Variants in AMPD2 observed in about 807,000 individuals in gnomAD.
AMPD2 encodes the protein AMP deaminase 2.
A neutral mutation model predicts 91.3 loss-of-function variants in AMPD2; 52 were observed. The ratio of observed to expected loss-of-function variants is 0.57; its 90% CI spans 0.46 to 0.72. The LOEUF (loss-of-function observed/expected upper bound fraction) is 0.72, where lower values mean the gene tolerates loss of function less well. Ranked by LOEUF, AMPD2 falls within the 30% of genes least tolerant of loss-of-function variation. AMPD2 has a pLI of 0.00. For synonymous variants in AMPD2, 455 were observed against 456.4 expected (o/e 1.00, Z 0.04); for missense variants, 822 against 1,122.3 (o/e 0.73, Z 3.82).
Position 109,624,687 on chromosome 1 carries a change from C to T in AMPD2, c.92-616C>T, listed in dbSNP as rs1650502828. Among the ~76,000 whole-genome samples, 1 of 152,182 alleles carries T rather than the reference C, an allele frequency of 6.6e-6. No homozygotes were observed. The highest frequency in any genetic ancestry group is 2.4e-5 in the African/African-American group (1 of 41,454). ...AGGGTTCCCTTGCCAACCAGGCCCTCCACTTCCTCTCCTCTTCCCTTGAGG... is the reference window on the plus strand; with the variant it reads ...AGGGTTCCCTTGCCAACCAGGCCCTTCACTTCCTCTCCTCTTCCCTTGAGG... On this transcript the variant is annotated intron_variant, in intron 2 of 18. Coordinates refer to ENST00000528667, the MANE Select transcript of AMPD2 (RefSeq NM_001368809.2). This position sits in a 1 kb window ranked among gnomAD's most constrained non-coding sequence, Gnocchi z 5.2.
chr1:109,626,960 G>A, intron 7 of AMPD2, 48 bp downstream of exon 7: 1 of 1,580,482 alleles, frequency 6.3e-7, no homozygotes, highest in Non-Finnish European at 8.6e-7. Flanking sequence ...AGCCTCCTGG[G>A]CTTCTCAGCC....
At chr1:109,620,774 A>T (rs1250520840) in intron 1 of AMPD2, 140 bp from the exon 2 acceptor site, 1 of 1,290,556 alleles carries the variant, frequency 7.7e-7, no homozygotes, top group Non-Finnish European at 9.8e-7. Context: ...AGCTGGAAGG[A>T]CCAGCTAGCC....
chr1:109,621,161 G>A lies in AMPD2; in HGVS notation c.-15G>A. On this transcript the variant is annotated 5_prime_UTR_variant, in exon 2 of 19. Coordinates refer to ENST00000528667, the MANE Select transcript of AMPD2 (RefSeq NM_001368809.2). ...CCGCTCAGACTCCCCCGCTGTCGCC[G>A]CCGTGGTCCCAGCCATGGCATCCTA... The A allele has an allele frequency of 1.3e-6, 2 of 1,598,524 alleles. No individual in the cohort carries two copies. The highest frequency in any genetic ancestry group is 2.7e-5 in the African/African-American group (2 of 74,580).
At chr1:109,630,184 C>T in intron 16 of AMPD2, 49 bp from the exon 17 acceptor site, 1 of 1,600,768 alleles carries the variant, frequency 6.2e-7, no homozygotes. Flanking sequence ...TGTGCCCTGC[C>T]CAGCCTCGGG....
chr1:109,631,122 G>A lies in AMPD2; in HGVS notation c.2448G>A (p.Ala816=), dbSNP rs746411446. ...SEMLETIPEE[A]GITMSPGPQ ...TGCTGGAGACCATTCCAGAGGAGGC[G>A]GGTATCACCATGAGCCCAGGGCCTC... is the stretch of plus-strand genomic sequence containing the variant. The change falls in exon 19 of 19, where the codon GCG becomes GCA. Residue 816 remains alanine (A), a synonymous_variant. Coordinates refer to ENST00000528667, the MANE Select transcript of AMPD2 (RefSeq NM_001368809.2). 56 of 1,597,444 alleles carry A rather than the reference G, an allele frequency of 3.5e-5. 1 individual carries two copies. Among genetic ancestry groups the A allele is most frequent in the South Asian group, 1.8e-4 (16 of 88,694 alleles).
rs1650810225 is a variant in AMPD2 at position 109,627,513 on chromosome 1, C to T, written c.945C>T (p.Gly315=). ...TGCTGATGGCCCTGATTATCAATGG[C>T]CCCATGTGAGTCCCCTGCCATCCCA... ...VNVLMALIIN[G]PIKSFCYRRL... Residue 315 remains glycine, a synonymous_variant, in exon 9 of 19, where the codon GGC becomes GGT. Coordinates refer to ENST00000528667, the MANE Select transcript of AMPD2 (RefSeq NM_001368809.2). 1 of 1,613,894 alleles carries T rather than the reference C, an allele frequency of 6.2e-7. No individual in the cohort carries two copies. The highest frequency in any genetic ancestry group is 8.5e-7 in the Non-Finnish European group (1 of 1,179,946).
At chr1:109,629,520 A>G (rs1651019208) in intron 15 of AMPD2, 30 bp downstream of exon 15, 3 of 1,607,120 alleles carry the variant, frequency 1.9e-6, no homozygotes, top group African/African-American at 1.3e-5. Flanking sequence ...TCTGCTTGCT[A>G]TGCCATCTCT....
In AMPD2 at chr1:109,626,717, C is replaced by T; in HGVS notation, c.532-9C>T. 2 of 1,610,170 alleles carry T rather than the reference C, an allele frequency of 1.2e-6. No individual in the cohort carries two copies. The highest frequency in any genetic ancestry group is 8.5e-7 in the Non-Finnish European group (1 of 1,177,716). Reference sequence around the variant, plus strand: ...ACTGAGGAGAGTGATCGCATATCCTCATCTCCAGGTGCCGTTCACAGACCT... The same window carrying T: ...ACTGAGGAGAGTGATCGCATATCCTTATCTCCAGGTGCCGTTCACAGACCT... On this transcript the variant is annotated splice_polypyrimidine_tract_variant and intron_variant, in intron 6 of 18. Coordinates refer to ENST00000528667, the MANE Select transcript of AMPD2 (RefSeq NM_001368809.2).
In AMPD2 at chr1:109,621,138, G is replaced by C; in HGVS notation, c.-38G>C. 4 of 1,597,582 alleles carry C rather than the reference G, an allele frequency of 2.5e-6. No individual in the cohort carries two copies. In the South Asian group the frequency reaches 4.5e-5, roughly 18 times the overall value. The stretch of plus-strand genomic sequence containing the variant: ...GCAGAGCCAGGCCCCAGCCGGTGCC[G>C]CTCAGACTCCCCCGCTGTCGCCGCC... On this transcript the variant is annotated 5_prime_UTR_variant, in exon 2 of 19. Transcript: ENST00000528667.
In AMPD2 at chr1:109,631,867, A is replaced by G. The variant is rs551366170; in HGVS notation, c.*715A>G. On this transcript the variant is annotated 3_prime_UTR_variant, in exon 19 of 19. Transcript: ENST00000528667. The stretch of plus-strand genomic sequence containing the variant: ...TTATGTCTGGGGCCACAGTTGCTGC[A>G]AAGTCCTGGATCTGCCACTCAACCC... 67 of 154,294 alleles carry G rather than the reference A, an allele frequency of 4.3e-4. No individual in the cohort carries two copies. The highest frequency in any genetic ancestry group is 4.0e-4 in the Non-Finnish European group (28 of 69,326). 9.6% of individuals were successfully genotyped at this position (154,294 alleles called of 1,614,324 possible).
chr1:109,620,355 G>GA, intron 1 of AMPD2, 77 bp downstream of exon 1: 1 of 1,593,356 alleles, frequency 6.3e-7, no homozygotes, highest in Non-Finnish European at 8.6e-7. Context: ...AAGAGGGTGG[G>GA]AGTCACAGCA....
chr1:109,630,330 C>G lies in AMPD2; in HGVS notation c.2081C>G (p.Pro694Arg), dbSNP rs759993904. The G allele has an allele frequency of 1.2e-6, 2 of 1,614,046 alleles. No homozygotes were observed. The highest frequency in any genetic ancestry group is 1.7e-5 in the Admixed American group (1 of 60,028). ...CTCTTCCTCAGCTATCACCGGAATC[C>G]GCTACCGGAGTACCTGTCCCGCGGC... ...NSLFLSYHRNPLPEYLSRGLM... is the reference protein window; with the variant it reads ...NSLFLSYHRNRLPEYLSRGLM... Residue 694 changes from proline (P) to arginine (R), a missense_variant, in exon 17 of 19, where the codon CCG becomes CGG. Pro to Arg is a moderately radical substitution (Grantham distance 103). Around this residue, in one of 5 missense-constraint regions of AMPD2, gnomAD observed 430 missense variants for 606.0 expected, o/e 0.71. Coordinates refer to ENST00000528667, the MANE Select transcript of AMPD2 (RefSeq NM_001368809.2).
chr1:109,627,584 GC>G, intron 9 of AMPD2, 66 bp downstream of exon 9: 2 of 1,587,624 alleles, frequency 1.3e-6, no homozygotes, highest in South Asian at 1.1e-5. Context: ...CCCCAGTTCT[GC>G]CCCAGACTCC....
At chr1:109,622,114 C>A in intron 2 of AMPD2, 1 of 436,506 alleles carries the variant, frequency 2.3e-6, no homozygotes, top group Non-Finnish European at 4.7e-6. Flanking sequence ...ATGCCGACTG[C>A]CCCCACCCTT....
At position 109,630,688 on chromosome 1, in the gene AMPD2, G is replaced by A. The variant is rs768938541; in HGVS notation, c.2163G>A (p.Pro721=). The change falls in exon 18 of 19, where the codon CCG becomes CCA. Residue 721 remains proline, a synonymous_variant. Transcript: ENST00000528667. ...DPLQFHFTKE[P]LMEEYSIATQ... ...AGGGAACCTGGCCCGTGCAGGAGCCGCTGATGGAGGAGTACAGCATCGCCA... is the reference window on the plus strand; with the variant it reads ...AGGGAACCTGGCCCGTGCAGGAGCCACTGATGGAGGAGTACAGCATCGCCA... The A allele has an allele frequency of 3.1e-6, 5 of 1,610,450 alleles. No homozygotes were observed. The highest frequency in any genetic ancestry group is 2.2e-5 in the East Asian group (1 of 44,728).
In AMPD2 at chr1:109,620,257, A is replaced by T. The variant is rs1348126776; in HGVS notation, c.-284A>T. On this transcript the variant is annotated 5_prime_UTR_variant, in exon 1 of 19. Transcript: ENST00000528667. ...CTTCTCGTGGGCAGCCTCCCCTCGG[A>T]ACTCGGGCATCATGGCCTCAGGTGA... is the stretch of plus-strand genomic sequence containing the variant. The T allele has an allele frequency of 3.1e-6, 5 of 1,613,926 alleles. No homozygotes were observed. Among genetic ancestry groups the T allele is most frequent in the Non-Finnish European group, 4.2e-6 (5 of 1,179,968 alleles).
chr1:109,627,696 C>T (rs1448901743), intron 9 of AMPD2, 78 bp from the exon 10 acceptor site: 3 of 1,585,560 alleles, frequency 1.9e-6, no homozygotes, highest in African/African-American at 2.7e-5. Flanking sequence ...CACCTGCTCC[C>T]TCTGATCTGC....
chr1:109,631,156 T>A lies in AMPD2; in HGVS notation c.*4T>A. 6.4e-7 allele frequency: 1 copy of A among 1,571,754 alleles called. No individual in the cohort carries two copies. Among genetic ancestry groups the A allele is most frequent in the South Asian group, 1.2e-5 (1 of 86,092 alleles). On this transcript the variant is annotated 3_prime_UTR_variant, in exon 19 of 19. Coordinates refer to ENST00000528667, the MANE Select transcript of AMPD2 (RefSeq NM_001368809.2). ...CATGAGCCCAGGGCCTCAATGAGCC[T>A]GGTCCATGAAGTGCCCACCACATCG...
At position 109,624,961 on chromosome 1, in the gene AMPD2, G is replaced by A. The variant is rs115321867; in HGVS notation, c.92-342G>A. The stretch of plus-strand genomic sequence containing the variant: ...TGCGTACGTGCATGTGTGTGCACAC[G>A]TACACACGTGCACCTGCCTCTGGGA... On this transcript the variant is annotated intron_variant, in intron 2 of 18. Coordinates refer to ENST00000528667, the MANE Select transcript of AMPD2 (RefSeq NM_001368809.2). This position sits in a 1 kb window ranked among gnomAD's most constrained non-coding sequence, Gnocchi z 5.2. Among the ~76,000 whole-genome samples the A allele has an allele frequency of 0.02, 3,003 of 152,262 alleles. 60 individuals carry two copies. Among genetic ancestry groups the A allele is most frequent in the Middle Eastern group, 0.041 (12 of 294 alleles).
Sources: allele counts gnomAD v4.1 joint callset (sites outside exome capture counted in the v4.1 genomes callset), GRCh38; gene constraint gnomAD v4.1.1; regional missense constraint gnomAD v4.1.1; non-coding constraint Gnocchi (gnomAD v3.1); transcripts MANE v1.5; gene names NCBI Gene and HGNC (gene_info 2026-07-23, HGNC 2026-07-21).